GUCY1A2: variants seen among roughly 807,000 people sequenced by gnomAD.
The protein encoded by GUCY1A2 is guanylate cyclase soluble subunit alpha-2.
Under a neutral mutation model 63.5 loss-of-function variants are expected in GUCY1A2, and 27 were observed. The observed-to-expected ratio is 0.43, with a 90% CI of 0.31 to 0.59. The LOEUF is 0.59. Among genes scored for constraint, GUCY1A2 ranks in the 20% least tolerant of loss-of-function variants. The probability of loss-of-function intolerance (pLI) is 0.11; values close to 1 mark genes in which losing one functional copy is unlikely to be tolerated. For missense variants in GUCY1A2, 768 were observed against 913.3 expected (o/e 0.84, Z 2.05); for synonymous variants, 364 against 343.5 (o/e 1.06, Z -0.66).
At position 106,683,540 on chromosome 11, in the gene GUCY1A2, G is replaced by A. The variant is rs938819014; in HGVS notation, c.*4009C>T. 2 of 228,226 alleles carry A rather than the reference G, an allele frequency of 8.8e-6. No homozygotes were observed. Among genetic ancestry groups the A allele is most frequent in the African/African-American group, 2.2e-5 (1 of 45,028 alleles). 14.1% of individuals were successfully genotyped at this position (228,226 alleles called of 1,614,324 possible). On this transcript the variant is annotated 3_prime_UTR_variant, in exon 8 of 8. Coordinates refer to ENST00000526355, the MANE Select transcript of GUCY1A2 (RefSeq NM_000855.3). ...TGTTGCTCAGGCCTGACTGTGTGTG[G>A]TCCTTCCTATCCGCCTGAATGAGGC...
intron 5 of GUCY1A2, among the ~76,000 whole-genome samples, chr11:106,796,878 G>A (rs571960992): frequency 2.3e-4 from 35 of 152,182 alleles, no homozygotes; most frequent in African/African-American, 5.3e-4. Context: ...CTTTTCCAAC[G>A]TGGTTCCATT....
chr11:106,820,792 A>T (rs17651489), intron 4 of GUCY1A2, among the ~76,000 whole-genome samples: 33,842 of 152,118 alleles, frequency 0.22, 4,347 homozygotes, highest in Non-Finnish European at 0.3. Flanking sequence ...TGAGGAGGGG[A>T]TATTAACTCA....
chr11:106,698,911 C>T (rs951761561), intron 7 of GUCY1A2, among the ~76,000 whole-genome samples: 2 of 152,034 alleles, frequency 1.3e-5, no homozygotes, highest in Admixed American at 6.6e-5. Context: ...TTCTGAATCA[C>T]GGTCCATTTT....
At chr11:106,927,342 C>T (rs1049265977) in intron 4 of GUCY1A2, among the ~76,000 whole-genome samples, 6 of 151,272 alleles carry the variant, frequency 4.0e-5, no homozygotes, top group African/African-American at 1.5e-4. Context: ...TACTGCACTC[C>T]AGCCTGGGCA....
intron 7 of GUCY1A2, among the ~76,000 whole-genome samples, chr11:106,706,545 G>T (rs887460740): frequency 1.1e-4 from 15 of 142,842 alleles, no homozygotes; most frequent in Admixed American, 3.5e-4. Flanking sequence ...GGCTGGCAGA[G>T]TTTTTTTTTT....
chr11:106,915,104 A>C lies in GUCY1A2; in HGVS notation c.1206+24356T>G, dbSNP rs141121993. Among the ~76,000 whole-genome samples, 366 of 152,328 alleles carry C rather than the reference A, an allele frequency of 2.4e-3. 3 individuals carry two copies. Among genetic ancestry groups the C allele is most frequent in the East Asian group, 0.021 (108 of 5,184 alleles). ...CTGCCCTGCAGGAAATGTTTAAAAA[A>C]GTTCTTCAGGAAGAAGAAAAATTAT... On this transcript the variant is annotated intron_variant, in intron 4 of 7. Coordinates refer to ENST00000526355, the MANE Select transcript of GUCY1A2 (RefSeq NM_000855.3).
chr11:106,841,466 T>C (rs1859196607), intron 4 of GUCY1A2, among the ~76,000 whole-genome samples: 1 of 151,848 alleles, frequency 6.6e-6, no homozygotes, highest in South Asian at 2.1e-4. Context: ...CTTAAAGACA[T>C]TGCCTGGTAT....
intron 4 of GUCY1A2, chr11:106,827,396 C>CA: frequency 6.6e-7 from 1 of 1,521,102 alleles, no homozygotes; most frequent in Non-Finnish European, 9.1e-7. Context: ...TCACAGCCTT[C>CA]AATTTCATAC....
intron 7 of GUCY1A2, among the ~76,000 whole-genome samples, chr11:106,695,263 T>A (rs1862697049): frequency 6.6e-6 from 1 of 152,116 alleles, no homozygotes; most frequent in Admixed American, 6.5e-5. Flanking sequence ...TGTACCTGAG[T>A]GATATCTGGA....
chr11:106,951,644 C>G (rs911017292), intron 3 of GUCY1A2, among the ~76,000 whole-genome samples: 2 of 152,046 alleles, frequency 1.3e-5, no homozygotes, highest in Non-Finnish European at 2.9e-5. Context: ...GATATTAGCC[C>G]TTTGTCAGAA....
intron 4 of GUCY1A2, among the ~76,000 whole-genome samples, chr11:106,847,263 A>T (rs1369388422): frequency 6.8e-6 from 1 of 147,738 alleles, no homozygotes; most frequent in Admixed American, 6.8e-5. Flanking sequence ...TATATAAAAA[A>T]TTGTGGTTTT....
At chr11:106,782,795 T>C (rs1211231319) in intron 5 of GUCY1A2, among the ~76,000 whole-genome samples, 1 of 152,184 alleles carries the variant, frequency 6.6e-6, no homozygotes, top group African/African-American at 2.4e-5. Context: ...GCCCAGACTT[T>C]CATGGATACT....
In GUCY1A2 at chr11:107,003,928, G is replaced by C. The variant is rs73555834; in HGVS notation, c.303+13825C>G. Reference sequence around the variant, plus strand: ...CAAGGAGAAGTTGGACTATGATGAAGACTCAATGGAAGTCTCAGCTGACCC... The same window carrying C: ...CAAGGAGAAGTTGGACTATGATGAACACTCAATGGAAGTCTCAGCTGACCC... On this transcript the variant is annotated intron_variant, in intron 1 of 7. Transcript: ENST00000526355. Among the ~76,000 whole-genome samples, 1,405 of 152,220 alleles carry C rather than the reference G, an allele frequency of 9.2e-3. 18 individuals carry two copies. Among genetic ancestry groups the C allele is most frequent in the African/African-American group, 0.031 (1,293 of 41,542 alleles).
intron 1 of GUCY1A2, among the ~76,000 whole-genome samples, chr11:106,987,416 C>G (rs1267649038): frequency 1.3e-5 from 2 of 152,130 alleles, no homozygotes; most frequent in East Asian, 3.9e-4. Flanking sequence ...TTTGGGAGGC[C>G]GAGGCACGTG....
intron 1 of GUCY1A2, among the ~76,000 whole-genome samples, chr11:107,003,871 T>C (rs886747348): frequency 2.0e-5 from 3 of 151,944 alleles, no homozygotes; most frequent in Non-Finnish European, 4.4e-5. Flanking sequence ...TCAACAACCA[T>C]GAAAGGGTAG....
chr11:106,827,263 G>T (rs1198980276), intron 4 of GUCY1A2: 1 of 1,551,810 alleles, frequency 6.4e-7, no homozygotes, highest in Non-Finnish European at 8.9e-7. Flanking sequence ...TGTATATCTG[G>T]TTCTTTTATA....
chr11:106,927,817 C>T (rs1007490923), intron 4 of GUCY1A2, among the ~76,000 whole-genome samples: 2 of 151,998 alleles, frequency 1.3e-5, no homozygotes, highest in South Asian at 4.2e-4. Flanking sequence ...GGTGATCCAC[C>T]TGCCTCAGCC....
At chr11:106,807,121 C>G (rs776308078) in intron 5 of GUCY1A2, among the ~76,000 whole-genome samples, 6 of 152,100 alleles carry the variant, frequency 3.9e-5, no homozygotes, top group Non-Finnish European at 7.3e-5. Flanking sequence ...TTATTTTTCT[C>G]TGTGGTATGG....
At chr11:106,775,483 T>G (rs1864339415) in intron 6 of GUCY1A2, among the ~76,000 whole-genome samples, 2 of 150,688 alleles carry the variant, frequency 1.3e-5, no homozygotes, top group East Asian at 3.9e-4. Flanking sequence ...TTACGTTTTT[T>G]TTTTTCAATC....
Sources: allele counts gnomAD v4.1 joint callset (sites outside exome capture counted in the v4.1 genomes callset), GRCh38; gene constraint gnomAD v4.1.1; transcripts MANE v1.5; gene names NCBI Gene and HGNC (gene_info 2026-07-23, HGNC 2026-07-21).